NLGN4X: variants seen among roughly 807,000 people sequenced by gnomAD.
NLGN4X encodes neuroligin-4, X-linked.
In NLGN4X, 3 loss-of-function variants were observed where a neutral mutation model predicts 40.3. The observed-to-expected ratio is 0.07, with a 90% CI of 0.03 to 0.19. The LOEUF is 0.19. NLGN4X is among the 10% of genes least tolerant of loss of function. The pLI is 1.00. For synonymous variants in NLGN4X, 270 were observed against 306.8 expected, an observed-to-expected ratio of 0.88 and a Z score of 1.25; for missense variants, 382 against 708.3, an observed-to-expected ratio of 0.54 and a Z score of 5.23.
chrX:6,061,935 C>G (rs1474371701), intron 2 of NLGN4X, among the ~76,000 whole-genome samples: 1 of 111,743 alleles, frequency 8.9e-6, no homozygotes, highest in Non-Finnish European at 1.9e-5. Context: ...TTGGTCCTTT[C>G]TCTTCTCTGT....
chrX:6,223,478 C>G (rs1336121190), intron 1 of NLGN4X, among the ~76,000 whole-genome samples: 2 of 112,345 alleles, frequency 1.8e-5, no homozygotes, highest in Non-Finnish European at 3.7e-5. Flanking sequence ...TTATTCAAAG[C>G]CTATAAATGG....
chrX:6,121,148 A>G (rs990470249), intron 2 of NLGN4X, among the ~76,000 whole-genome samples: 3 of 21,716 alleles, frequency 1.4e-4, no homozygotes, highest in Non-Finnish European at 2.5e-4. Flanking sequence ...ATATATATAC[A>G]TACACACACA....
At chrX:6,175,833 G>A (rs769220429) in intron 1 of NLGN4X, among the ~76,000 whole-genome samples, 4 of 109,761 alleles carry the variant, frequency 3.6e-5, no homozygotes, top group African/African-American at 9.9e-5. Flanking sequence ...TGGGATCCAA[G>A]CCCCCACTCT....
chrX:6,132,899 A>C (rs1209597640), intron 2 of NLGN4X, among the ~76,000 whole-genome samples: 2 of 110,993 alleles, frequency 1.8e-5, no homozygotes, highest in African/African-American at 6.6e-5. Flanking sequence ...AGATGGTAAA[A>C]ATGGAGACAG....
intron 2 of NLGN4X, among the ~76,000 whole-genome samples, chrX:6,058,823 A>G (rs1038378490): frequency 1.3e-4 from 15 of 112,127 alleles, no homozygotes; most frequent in African/African-American, 4.9e-4. Flanking sequence ...AAAATAATAA[A>G]AACACTTAAG....
intron 1 of NLGN4X, among the ~76,000 whole-genome samples, chrX:6,200,659 T>C (rs1923500607): frequency 9.1e-6 from 1 of 109,369 alleles, no homozygotes; most frequent in East Asian, 2.8e-4. Context: ...TAAAGTGCTT[T>C]ATATGCTTAA....
rs1891628887 is a variant in NLGN4X at position 5,892,210 on chromosome X, T to A, written c.*607A>T. On this transcript the variant is annotated 3_prime_UTR_variant, in exon 6 of 6. Transcript: ENST00000381095. ...ATATACATTTTTCTTTTTTACAAAGTCTCTTAAATATAGTTCAGGCTGGCA... is the reference window on the plus strand; with the variant it reads ...ATATACATTTTTCTTTTTTACAAAGACTCTTAAATATAGTTCAGGCTGGCA... The A allele has an allele frequency of 8.4e-6, 1 of 118,488 alleles. No individual in the cohort carries two copies. The highest frequency in any genetic ancestry group is 3.3e-5 in the African/African-American group (1 of 30,738). 9.8% of individuals were successfully genotyped at this position (118,488 alleles called of 1,213,427 possible).
chrX:6,068,014 G>A (rs1191027329), intron 2 of NLGN4X, among the ~76,000 whole-genome samples: 2 of 111,406 alleles, frequency 1.8e-5, no homozygotes, highest in African/African-American at 6.5e-5. Context: ...TGGGATCTGA[G>A]ACCCAGACTC....
intron 3 of NLGN4X, among the ~76,000 whole-genome samples, chrX:6,028,968 T>C (rs928522009): frequency 8.9e-6 from 1 of 112,463 alleles, no homozygotes; most frequent in Non-Finnish European, 1.9e-5. Flanking sequence ...TCACCAAATA[T>C]GTGTTCATTG....
chrX:6,065,894 G>C (rs773953747), intron 2 of NLGN4X, among the ~76,000 whole-genome samples: 7 of 110,797 alleles, frequency 6.3e-5, no homozygotes, highest in Non-Finnish European at 1.3e-4. Flanking sequence ...CAAAAGCCCC[G>C]AGAAATGCAT....
intron 2 of NLGN4X, among the ~76,000 whole-genome samples, chrX:6,093,014 G>A (rs2038678752): frequency 9.4e-6 from 1 of 106,630 alleles, no homozygotes; most frequent in Admixed American, 1.0e-4. Flanking sequence ...TTAAATATAT[G>A]AATCCAAAGG....
At chrX:6,210,268 GTGTGTGTA>G (rs1280233552) in intron 1 of NLGN4X, among the ~76,000 whole-genome samples, 5,198 of 84,407 alleles carry the variant, frequency 0.062, 366 homozygotes, top group African/African-American at 0.26. Flanking sequence ...GTGTGTGTGT[GTGTGTGTA>G]TGTATGTAAT....
At chrX:5,924,040 T>C (rs981483125) in intron 3 of NLGN4X, among the ~76,000 whole-genome samples, 5 of 111,940 alleles carry the variant, frequency 4.5e-5, no homozygotes, top group Non-Finnish European at 7.5e-5. Context: ...AAATCAATTG[T>C]GGATTGTGTT....
In NLGN4X at chrX:5,978,729, T is replaced by G. The variant is rs772627974; in HGVS notation, c.625+50551A>C. Among the ~76,000 whole-genome samples the G allele has an allele frequency of 6.2e-4, 70 of 112,234 alleles. 1 individual carries two copies. The highest frequency in any genetic ancestry group is 1.1e-3 in the Non-Finnish European group (61 of 53,287). On this transcript the variant is annotated intron_variant, in intron 3 of 5. Transcript: ENST00000381095. ...AAGTTATAGTTGTAAAAGTATAAAC[T>G]GTACATAAAGTATACAGTATAATAA...
intron 3 of NLGN4X, among the ~76,000 whole-genome samples, chrX:5,999,824 A>C (rs992969258): frequency 8.9e-6 from 1 of 112,124 alleles, no homozygotes; most frequent in Non-Finnish European, 1.9e-5. Flanking sequence ...TGCACGTTCA[A>C]TTACCATTGG....
chrX:6,111,109 T>C (rs756909015), intron 2 of NLGN4X, among the ~76,000 whole-genome samples: 1 of 112,032 alleles, frequency 8.9e-6, no homozygotes, highest in East Asian at 2.8e-4. Flanking sequence ...TTGGTTTCCT[T>C]ATTTAGTTTT....
intron 2 of NLGN4X, among the ~76,000 whole-genome samples, chrX:6,046,035 T>G (rs986567574): frequency 1.8e-5 from 2 of 112,049 alleles, no homozygotes; most frequent in Non-Finnish European, 3.8e-5. Context: ...ATTTGTCATA[T>G]ATATGCACAT....
intron 3 of NLGN4X, among the ~76,000 whole-genome samples, chrX:5,922,775 A>G (rs1158780359): frequency 9.0e-6 from 1 of 111,059 alleles, no homozygotes; most frequent in African/African-American, 3.3e-5. Context: ...AGGCAGGAGA[A>G]TCGCTTGAAC....
intron 1 of NLGN4X, among the ~76,000 whole-genome samples, chrX:6,154,592 T>C (rs1292691779): frequency 2.7e-5 from 3 of 111,518 alleles, no homozygotes; most frequent in African/African-American, 9.8e-5. Context: ...TTATTGATAG[T>C]TATTCATAAA....
Sources: gnomAD v4.1 joint callset for allele counts (sites outside exome capture counted in the v4.1 genomes callset) on GRCh38, gnomAD v4.1.1 for gene constraint, MANE v1.5 for transcripts, NCBI Gene and HGNC (gene_info 2026-07-23, HGNC 2026-07-21) for gene names.